Variants in RGL1 observed in about 807,000 individuals in gnomAD.
The protein encoded by RGL1 is ral guanine nucleotide dissociation stimulator like 1.
RGL1 carries 24 observed loss-of-function variants against 95.2 expected under a neutral mutation model. The observed-to-expected ratio is 0.25, with a 90% CI of 0.18 to 0.35. The LOEUF is 0.35. Among genes scored for constraint, RGL1 ranks in the 10% least tolerant of loss-of-function variants. RGL1 has a pLI of 1.00. For synonymous variants in RGL1, 329 were observed against 344.9 expected, an observed-to-expected ratio of 0.95 and a Z score of 0.51; for missense variants, 715 against 936.3, an observed-to-expected ratio of 0.76 and a Z score of 3.08.
chr1:183,847,165 T>A (rs1664497708), intron 2 of RGL1, among the ~76,000 whole-genome samples: 1 of 151,988 alleles, frequency 6.6e-6, no homozygotes, highest in African/African-American at 2.4e-5. Context: ...AGAGTGAGGG[T>A]AAGCTGCATG....
intron 1 of RGL1, among the ~76,000 whole-genome samples, chr1:183,713,630 T>A (rs1365786214): frequency 6.6e-6 from 1 of 152,140 alleles, no homozygotes; most frequent in Non-Finnish European, 1.5e-5. Flanking sequence ...CCCTCATCCC[T>A]TCTACCATGT....
At chr1:183,906,078 G>A (rs1017786796) in intron 13 of RGL1, among the ~76,000 whole-genome samples, 1 of 152,114 alleles carries the variant, frequency 6.6e-6, no homozygotes, top group African/African-American at 2.4e-5. Context: ...TTTATCATAA[G>A]GGAGAGTGAA....
chr1:183,905,003 C>T (rs776894978), intron 13 of RGL1, 32 bp downstream of exon 13: 2 of 1,593,784 alleles, frequency 1.3e-6, no homozygotes, highest in Admixed American at 3.7e-5. Context: ...CGGGGTAGAA[C>T]TGAAGTGTTG....
At chr1:183,914,178 AGATG>A (rs1452878311) in intron 15 of RGL1, among the ~76,000 whole-genome samples, 1 of 152,212 alleles carries the variant, frequency 6.6e-6, no homozygotes, top group Non-Finnish European at 1.5e-5. Flanking sequence ...TCCAGGAAGG[AGATG>A]GAATCACAGT....
chr1:183,888,589 A>G lies in RGL1; in HGVS notation c.1055+12A>G. The G allele has an allele frequency of 1.3e-6, 2 of 1,552,092 alleles. No homozygotes were observed. Among genetic ancestry groups the G allele is most frequent in the Non-Finnish European group, 1.8e-6 (2 of 1,123,794 alleles). On this transcript the variant is annotated intron_variant, in intron 8 of 17. Transcript: ENST00000360851. ...GCTGCCGTCCCAAGGTAAGTTCCCA[A>G]GTGTTTGCTCTGCTTTTCTTTGGCC...
chr1:183,673,110 G>C (rs1356236550), intron 1 of RGL1, among the ~76,000 whole-genome samples: 1 of 152,130 alleles, frequency 6.6e-6, no homozygotes, highest in Non-Finnish European at 1.5e-5. Context: ...AAGATGCCAG[G>C]TTGAAGCTCA....
At chr1:183,719,110 A>T (rs984963548) in intron 1 of RGL1, among the ~76,000 whole-genome samples, 2 of 152,204 alleles carry the variant, frequency 1.3e-5, no homozygotes, top group African/African-American at 2.4e-5. Flanking sequence ...ATTATCTTTC[A>T]TATGGTTGCA....
chr1:183,671,872 G>A (rs954733132), intron 1 of RGL1, among the ~76,000 whole-genome samples: 2 of 151,324 alleles, frequency 1.3e-5, no homozygotes, highest in African/African-American at 4.9e-5. Context: ...CGGTCTAGTT[G>A]TTTCATTATA....
intron 2 of RGL1, among the ~76,000 whole-genome samples, chr1:183,787,654 T>TC (rs1017764175): frequency 6.6e-6 from 1 of 152,110 alleles, no homozygotes; most frequent in Non-Finnish European, 1.5e-5. Flanking sequence ...GTTTGTCCCC[T>TC]CCAAACTTCA....
chr1:183,752,566 A>G (rs1369862180), intron 2 of RGL1, among the ~76,000 whole-genome samples: 2 of 151,948 alleles, frequency 1.3e-5, no homozygotes, highest in East Asian at 3.9e-4. Context: ...ATAAAATAGA[A>G]TCTCATTCTT....
chr1:183,897,320 G>A (rs979817013), intron 9 of RGL1, among the ~76,000 whole-genome samples: 1 of 152,132 alleles, frequency 6.6e-6, no homozygotes, highest in Non-Finnish European at 1.5e-5. Flanking sequence ...GATGATCTGA[G>A]ATCAGGAGTT....
At chr1:183,722,564 C>G (rs1471403208) in intron 1 of RGL1, among the ~76,000 whole-genome samples, 2 of 151,954 alleles carry the variant, frequency 1.3e-5, no homozygotes, top group Admixed American at 1.3e-4. Flanking sequence ...CTAATTCTGA[C>G]AAAAATCTTA....
intron 1 of RGL1, among the ~76,000 whole-genome samples, chr1:183,698,922 A>G (rs1203646127): frequency 1.3e-5 from 2 of 152,236 alleles, no homozygotes; most frequent in Non-Finnish European, 2.9e-5. Context: ...GTATGTATTG[A>G]GTGTTTTTCA....
Position 183,907,016 on chromosome 1 carries a change from G to T in RGL1, c.1477G>T (p.Ala493Ser), listed in dbSNP as rs778820049. ...QQLLTEEESY[A>S]LSCEIEAAAD... is the part of the protein sequence containing the mutation. Reference sequence around the variant, plus strand: ...GAGCCCCCTTCTCTTTCTCAGCTATGCCCTGTCATGTGAGATTGAAGCAGC... The same window carrying T: ...GAGCCCCCTTCTCTTTCTCAGCTATTCCCTGTCATGTGAGATTGAAGCAGC... The change falls in exon 14 of 18, where the codon GCC becomes TCC. Residue 493 changes from alanine (A) to serine (S), a missense_variant. Physicochemically the swap from Ala to Ser is moderately conservative, Grantham distance 99 (BLOSUM62 1). This residue lies in a region of RGL1 where 330 missense variants were observed against 429.6 expected (regional missense o/e 0.77). Coordinates refer to ENST00000360851, the MANE Select transcript of RGL1 (RefSeq NM_001297671.3). 7 of 1,602,396 alleles carry T rather than the reference G, an allele frequency of 4.4e-6. No individual in the cohort carries two copies. Among genetic ancestry groups the T allele is most frequent in the Non-Finnish European group, 6.0e-6 (7 of 1,169,912 alleles).
At chr1:183,698,433 A>C (rs1654382303) in intron 1 of RGL1, among the ~76,000 whole-genome samples, 1 of 152,212 alleles carries the variant, frequency 6.6e-6, no homozygotes, top group Non-Finnish European at 1.5e-5. Context: ...CTGTTTTCCT[A>C]TACTTTGATA....
At chr1:183,658,603 C>A (rs1479165047) in intron 1 of RGL1, among the ~76,000 whole-genome samples, 24 of 152,228 alleles carry the variant, frequency 1.6e-4, no homozygotes, top group Non-Finnish European at 2.2e-4. Flanking sequence ...GGCCTGCCTG[C>A]CTCTGTAGGC....
chr1:183,862,185 T>TA (rs937169680), intron 3 of RGL1, among the ~76,000 whole-genome samples: 4 of 151,418 alleles, frequency 2.6e-5, no homozygotes, highest in East Asian at 1.9e-4. Flanking sequence ...CTACAAAAAA[T>TA]AAAAAAAATT....
At chr1:183,731,748 A>G (rs1160264805) in intron 1 of RGL1, among the ~76,000 whole-genome samples, 1 of 152,136 alleles carries the variant, frequency 6.6e-6, no homozygotes, top group Non-Finnish European at 1.5e-5. Context: ...TTTCATCTGG[A>G]TGGGGAATTA....
chr1:183,787,991 G>A (rs1416728887), intron 2 of RGL1, among the ~76,000 whole-genome samples: 1 of 151,910 alleles, frequency 6.6e-6, no homozygotes, highest in Non-Finnish European at 1.5e-5. Flanking sequence ...AGTCAAATAA[G>A]CCTTTTCTTC....
Sources: allele counts gnomAD v4.1 joint callset (sites outside exome capture counted in the v4.1 genomes callset), GRCh38; gene constraint gnomAD v4.1.1; regional missense constraint gnomAD v4.1.1; transcripts MANE v1.5; gene names NCBI Gene and HGNC (gene_info 2026-07-23, HGNC 2026-07-21).